RNGTT: variants seen among roughly 807,000 people sequenced by gnomAD.
RNGTT encodes RNA guanylyltransferase and 5'-phosphatase.
In RNGTT, 33 loss-of-function variants were observed where a neutral mutation model predicts 79.3. The observed-to-expected ratio is 0.42, with a 90% confidence interval of 0.32 to 0.56. The LOEUF is 0.56. RNGTT is among the 20% of genes least tolerant of loss of function. The probability of loss-of-function intolerance (pLI) is 0.17; values close to 1 mark genes in which losing one functional copy is unlikely to be tolerated. For synonymous variants in RNGTT, 222 were observed against 235.9 expected, an observed-to-expected ratio of 0.94 and a Z score of 0.54; for missense variants, 497 against 739.1, an observed-to-expected ratio of 0.67 and a Z score of 3.80.
At chr6:88,960,579 C>CA (rs1221500520) in intron 1 of RNGTT, among the ~76,000 whole-genome samples, 1 of 148,794 alleles carries the variant, frequency 6.7e-6, no homozygotes, top group Non-Finnish European at 1.5e-5. Flanking sequence ...ACTAAAAATA[C>CA]AAAAAAGAAA....
At chr6:88,941,769 T>C (rs1784855861) in intron 1 of RNGTT, among the ~76,000 whole-genome samples, 1 of 151,962 alleles carries the variant, frequency 6.6e-6, no homozygotes, top group Non-Finnish European at 1.5e-5. Flanking sequence ...GTTCATGCCA[T>C]TCTCCTGCCT....
intron 13 of RNGTT, among the ~76,000 whole-genome samples, chr6:88,710,579 G>A (rs7760061): frequency 0.27 from 40,512 of 151,934 alleles, 9,457 homozygotes; most frequent in African/African-American, 0.63. Context: ...TCAACCTAAC[G>A]GTGAAGCACA....
intron 14 of RNGTT, among the ~76,000 whole-genome samples, chr6:88,646,239 G>A (rs1773552287): frequency 6.6e-6 from 1 of 152,164 alleles, no homozygotes; most frequent in Admixed American, 6.5e-5. Context: ...GCAGACACAT[G>A]GAAACATGCT....
chr6:88,667,693 A>G (rs1396715693), intron 14 of RNGTT, among the ~76,000 whole-genome samples: 1 of 152,186 alleles, frequency 6.6e-6, no homozygotes, highest in East Asian at 1.9e-4. Flanking sequence ...TGGCTCAGAC[A>G]ATGGGCCGGC....
At chr6:88,670,619 T>C (rs898834993) in intron 14 of RNGTT, among the ~76,000 whole-genome samples, 1 of 152,136 alleles carries the variant, frequency 6.6e-6, no homozygotes, top group African/African-American at 2.4e-5. Flanking sequence ...CCAGGCCTGG[T>C]AGTTAAACAT....
chr6:88,889,851 C>T (rs1782983877), intron 8 of RNGTT, among the ~76,000 whole-genome samples: 1 of 152,112 alleles, frequency 6.6e-6, no homozygotes, highest in Admixed American at 6.5e-5. Flanking sequence ...CCCAGCTACT[C>T]AGGAGGCTAA....
chr6:88,744,732 T>C (rs1240047421), intron 13 of RNGTT, among the ~76,000 whole-genome samples: 2 of 152,176 alleles, frequency 1.3e-5, no homozygotes, highest in Non-Finnish European at 2.9e-5. Flanking sequence ...TGCATTGTTA[T>C]TATAACATAT....
intron 12 of RNGTT, among the ~76,000 whole-genome samples, chr6:88,795,472 G>T (rs1026072162): frequency 6.6e-6 from 1 of 152,098 alleles, no homozygotes; most frequent in African/African-American, 2.4e-5. Context: ...ACTTATAAGT[G>T]GGAGCTGAAC....
intron 6 of RNGTT, among the ~76,000 whole-genome samples, chr6:88,901,549 C>G (rs1262152963): frequency 7.9e-6 from 1 of 127,298 alleles, no homozygotes; most frequent in Non-Finnish European, 1.6e-5. Context: ...CTCTGTCGAC[C>G]AGGCTGGAGT....
chr6:88,963,476 G>A lies in RNGTT; in HGVS notation c.-67C>T. ...ACCGCGCCTTTGGAGCCGCCTCCCC[G>A]TGGTCCGGTGCACACCGGGGTCCGA... is the stretch of plus-strand genomic sequence containing the variant. On this transcript the variant is annotated 5_prime_UTR_variant, in exon 1 of 16. It adds an upstream start codon to the 5' untranslated region. Transcript: ENST00000369485. 2.1e-6 allele frequency: 3 copies of A among 1,455,558 alleles called. No individual in the cohort carries two copies. Among genetic ancestry groups the A allele is most frequent in the South Asian group, 2.6e-5 (2 of 75,714 alleles). The allele number at this position is 1,455,558 out of a possible 1,614,324, so 90.2% of individuals were successfully genotyped here. A position where few individuals can be genotyped will look rare whatever the true frequency, so the allele number is the denominator to read the frequency against.
intron 13 of RNGTT, among the ~76,000 whole-genome samples, chr6:88,739,755 ATATATATATATATATATATATATGTT>A (rs1358598044): frequency 3.4e-5 from 2 of 59,440 alleles, no homozygotes; most frequent in African/African-American, 9.9e-5. Flanking sequence ...ATATATATAT[ATATATATATATATATATATATATGTT>A]AACACATGCT....
chr6:88,865,718 A>G (rs1407823817), intron 8 of RNGTT, among the ~76,000 whole-genome samples: 1 of 152,188 alleles, frequency 6.6e-6, no homozygotes, highest in African/African-American at 2.4e-5. Context: ...CAATCTGTCT[A>G]AGAGCTTGTT....
chr6:88,949,770 A>G (rs1459854348), intron 1 of RNGTT, among the ~76,000 whole-genome samples: 1 of 152,228 alleles, frequency 6.6e-6, no homozygotes, highest in Non-Finnish European at 1.5e-5. Flanking sequence ...TAAGGAAAGA[A>G]GCCATCTCTC....
chr6:88,865,434 A>T (rs1298917940), intron 8 of RNGTT, among the ~76,000 whole-genome samples: 2 of 152,100 alleles, frequency 1.3e-5, no homozygotes, highest in Non-Finnish European at 2.9e-5. Context: ...TTTTGAACAC[A>T]GAAGAGAAAG....
intron 6 of RNGTT, among the ~76,000 whole-genome samples, chr6:88,892,407 G>A (rs1783080616): frequency 6.6e-6 from 1 of 152,090 alleles, no homozygotes; most frequent in Non-Finnish European, 1.5e-5. Flanking sequence ...AATGAAGTAT[G>A]GACTTTAAGG....
intron 11 of RNGTT, among the ~76,000 whole-genome samples, chr6:88,838,037 C>G (rs753009369): frequency 2.7e-4 from 41 of 152,044 alleles, no homozygotes; most frequent in Non-Finnish European, 3.8e-4. Context: ...AAAATTATTG[C>G]AAGCAATAAC....
intron 13 of RNGTT, among the ~76,000 whole-genome samples, chr6:88,738,805 A>G (rs971088407): frequency 6.6e-6 from 1 of 151,608 alleles, no homozygotes; most frequent in Non-Finnish European, 1.5e-5. Context: ...TGTAAATTTA[A>G]AACTGTTCTG....
chr6:88,826,676 G>A (rs1283878422), intron 11 of RNGTT, among the ~76,000 whole-genome samples: 2 of 151,260 alleles, frequency 1.3e-5, no homozygotes, highest in Non-Finnish European at 2.9e-5. Context: ...TCAACTACTT[G>A]GGAGGCTGAG....
chr6:88,761,326 T>A (rs539488160), intron 13 of RNGTT, among the ~76,000 whole-genome samples: 1 of 151,460 alleles, frequency 6.6e-6, no homozygotes, highest in South Asian at 2.1e-4. Context: ...CCCACCCCTA[T>A]TAAAATTATA....
Sources: gnomAD v4.1 joint callset for allele counts (sites outside exome capture counted in the v4.1 genomes callset) on GRCh38, gnomAD v4.1.1 for gene constraint, MANE v1.5 for transcripts, NCBI Gene and HGNC (gene_info 2026-07-23, HGNC 2026-07-21) for gene names.